The following KSR2 variants were observed in gnomAD, a reference collection of about 807,000 sequenced individuals.
KSR2 encodes the protein kinase suppressor of ras 2.
In KSR2, 25 loss-of-function variants were observed where a neutral mutation model predicts 107.8. The ratio of observed to expected loss-of-function variants is 0.23; its 90% CI spans 0.17 to 0.32. The LOEUF (loss-of-function observed/expected upper bound fraction) is 0.32. Ranked by LOEUF, KSR2 falls within the 10% of genes least tolerant of loss-of-function variation. KSR2 has a pLI of 1.00. For missense variants in KSR2, 887 were observed against 1,268.9 expected (o/e 0.70, Z 4.57); for synonymous variants, 480 against 507.0 (o/e 0.95, Z 0.71).
chr12:117,548,022 G>A lies in KSR2; in HGVS notation c.1518+7147C>T, dbSNP rs148276674. Among the ~76,000 whole-genome samples, 363 of 152,042 alleles carry A rather than the reference G, an allele frequency of 2.4e-3. 5 individuals carry two copies. Among genetic ancestry groups the A allele is most frequent in the Middle Eastern group, 3.4e-3 (1 of 294 alleles). ...TGAGGCAGGAGAATCGCTTGAACCCGGGAAGCAGAGGTTGCAGTAAGCTGA... is the reference window on the plus strand; with the variant it reads ...TGAGGCAGGAGAATCGCTTGAACCCAGGAAGCAGAGGTTGCAGTAAGCTGA... On this transcript the variant is annotated intron_variant, in intron 9 of 19. Coordinates refer to ENST00000339824, the MANE Select transcript of KSR2 (RefSeq NM_173598.6).
chr12:117,617,354 T>A (rs1041969811), intron 5 of KSR2, among the ~76,000 whole-genome samples: 8 of 152,178 alleles, frequency 5.3e-5, no homozygotes, highest in Non-Finnish European at 1.2e-4. Context: ...ACGTATTGAA[T>A]TCTTCATTTC....
intron 1 of KSR2, among the ~76,000 whole-genome samples, chr12:117,939,855 T>C (rs1191621617): frequency 6.9e-6 from 1 of 144,600 alleles, no homozygotes; most frequent in Non-Finnish European, 1.5e-5. Flanking sequence ...GTAGGAGAAT[T>C]GCTTGAACCC....
chr12:117,618,745 C>T (rs1565928793), intron 5 of KSR2, among the ~76,000 whole-genome samples: 3 of 152,158 alleles, frequency 2.0e-5, no homozygotes, highest in East Asian at 1.9e-4. Flanking sequence ...GAATGTAAGA[C>T]GTGCCCTTCA....
intron 1 of KSR2, among the ~76,000 whole-genome samples, chr12:117,886,161 C>G (rs1357275559): frequency 2.7e-5 from 4 of 149,662 alleles, no homozygotes; most frequent in African/African-American, 9.8e-5. Flanking sequence ...TATACATGTA[C>G]ATATGTGTAT....
At chr12:117,659,726 C>A (rs527521310) in intron 5 of KSR2, among the ~76,000 whole-genome samples, 21 of 152,318 alleles carry the variant, frequency 1.4e-4, no homozygotes, top group African/African-American at 4.8e-4. Flanking sequence ...ATTTCTGAGG[C>A]CCTTTCCAGC....
At chr12:117,612,930 C>T (rs1330100788) in intron 5 of KSR2, among the ~76,000 whole-genome samples, 1 of 152,162 alleles carries the variant, frequency 6.6e-6, no homozygotes, top group African/African-American at 2.4e-5. Flanking sequence ...GAAAGATGTA[C>T]CTTGCTTCCC....
intron 10 of KSR2, among the ~76,000 whole-genome samples, chr12:117,536,511 C>T (rs193126032): frequency 1.3e-5 from 2 of 152,316 alleles, no homozygotes; most frequent in Non-Finnish European, 2.9e-5. Flanking sequence ...TCCCTGTCCT[C>T]AACAGCTGCC....
At chr12:117,517,438 G>C (rs539049256) in intron 14 of KSR2, among the ~76,000 whole-genome samples, 9 of 152,154 alleles carry the variant, frequency 5.9e-5, no homozygotes, top group Non-Finnish European at 1.3e-4. Context: ...TGTGTAATAA[G>C]ATACACAGTT....
intron 3 of KSR2, among the ~76,000 whole-genome samples, chr12:117,796,772 C>T (rs1477098198): frequency 1.3e-5 from 2 of 152,180 alleles, no homozygotes; most frequent in Non-Finnish European, 2.9e-5. Context: ...ACAAGAGACA[C>T]TATGGCTCAA....
At chr12:117,728,010 C>A (rs1887506954) in intron 4 of KSR2, among the ~76,000 whole-genome samples, 1 of 152,114 alleles carries the variant, frequency 6.6e-6, no homozygotes, top group Non-Finnish European at 1.5e-5. Context: ...TGCAAGAGAT[C>A]TAAGCTATGT....
chr12:117,499,122 C>T (rs368553968), intron 14 of KSR2, among the ~76,000 whole-genome samples: 1 of 152,242 alleles, frequency 6.6e-6, no homozygotes, highest in African/African-American at 2.4e-5. Context: ...GGCTAGACAT[C>T]AAAGGATATC....
intron 14 of KSR2, among the ~76,000 whole-genome samples, chr12:117,490,244 C>A (rs939114171): frequency 2.6e-5 from 4 of 152,158 alleles, no homozygotes; most frequent in South Asian, 2.1e-4. Flanking sequence ...GCTAAGGGAA[C>A]AGAGGAGCAC....
chr12:117,654,963 C>T (rs1884077781), intron 5 of KSR2, among the ~76,000 whole-genome samples: 1 of 152,204 alleles, frequency 6.6e-6, no homozygotes, highest in African/African-American at 2.4e-5. Context: ...TGGACTTCCA[C>T]TCACCAAGGC....
At chr12:117,583,994 C>T (rs925649984) in intron 5 of KSR2, among the ~76,000 whole-genome samples, 4 of 152,212 alleles carry the variant, frequency 2.6e-5, no homozygotes, top group Non-Finnish European at 5.9e-5. Context: ...CCAACCTACT[C>T]GCTCCTCTAT....
chr12:117,687,148 G>C (rs573091262), intron 4 of KSR2, among the ~76,000 whole-genome samples: 3 of 152,330 alleles, frequency 2.0e-5, no homozygotes, highest in African/African-American at 7.2e-5. Flanking sequence ...CCTTGGGCAG[G>C]TCAGAATCTG....
chr12:117,456,427 C>A lies in KSR2; in HGVS notation c.*10772G>T, dbSNP rs11068500. The A allele has an allele frequency of 0.14, 20,983 of 152,180 alleles. 1,580 individuals are homozygous for A. Among genetic ancestry groups the A allele is most frequent in the African/African-American group, 0.19 (8,087 of 41,504 alleles). The allele number at this position is 152,180 out of a possible 1,614,324, so 9.4% of individuals were successfully genotyped here. On this transcript the variant is annotated 3_prime_UTR_variant, in exon 20 of 20. Coordinates refer to ENST00000339824, the MANE Select transcript of KSR2 (RefSeq NM_173598.6). ...ACAAGTTCATATGTACCCATCTAAA[C>A]ATTATTACTTGTAACACATGTAGAA...
chr12:117,483,503 A>C (rs1477395725), intron 16 of KSR2, among the ~76,000 whole-genome samples: 1 of 152,210 alleles, frequency 6.6e-6, no homozygotes, highest in Non-Finnish European at 1.5e-5. Flanking sequence ...CAGGATTATA[A>C]AAAACATGCA....
At chr12:117,886,092 T>C (rs1473902075) in intron 1 of KSR2, among the ~76,000 whole-genome samples, 2 of 145,222 alleles carry the variant, frequency 1.4e-5, no homozygotes, top group African/African-American at 2.6e-5. Context: ...TGAGACTCCG[T>C]CTCAAAAAAA....
intron 5 of KSR2, among the ~76,000 whole-genome samples, chr12:117,658,781 G>T (rs1884295414): frequency 6.6e-6 from 1 of 152,120 alleles, no homozygotes. Context: ...AAATTTGGTT[G>T]AAACAAACCC....
Sources: gnomAD v4.1 joint callset for allele counts (sites outside exome capture counted in the v4.1 genomes callset) on GRCh38, gnomAD v4.1.1 for gene constraint, MANE v1.5 for transcripts, NCBI Gene and HGNC (gene_info 2026-07-23, HGNC 2026-07-21) for gene names.